The following AP4M1 variants were observed in gnomAD, a reference collection of about 807,000 sequenced individuals.
The protein encoded by AP4M1 is adaptor related protein complex 4 subunit mu 1, also known as AP-4 complex subunit mu-1.
Under a neutral mutation model 62.4 loss-of-function variants are expected in AP4M1, and 58 were observed. The observed-to-expected ratio is 0.93, with a 90% confidence interval of 0.75 to 1.16. The LOEUF (loss-of-function observed/expected upper bound fraction) is 1.16, where lower values mean the gene tolerates loss of function less well. Ranked by LOEUF, AP4M1 falls within the 50% of genes most tolerant of loss-of-function variation. AP4M1 has a pLI of 0.00. For synonymous variants in AP4M1, 290 were observed against 239.7 expected, an observed-to-expected ratio of 1.21 and a Z score of -1.94; for missense variants, 626 against 585.4, an observed-to-expected ratio of 1.07 and a Z score of -0.72.
At chr7:100,106,358 C>T in intron 13 of AP4M1, 45 bp from the exon 14 acceptor site, 19 of 1,612,578 alleles carry the variant, frequency 1.2e-5, no homozygotes, top group Non-Finnish European at 1.6e-5. Flanking sequence ...ACGGGTCTGC[C>T]TCAAGAAGGT....
chr7:100,106,316 G>A (rs779565001), intron 13 of AP4M1, 25 bp downstream of exon 13: 4 of 1,613,732 alleles, frequency 2.5e-6, no homozygotes, highest in Non-Finnish European at 3.4e-6. Context: ...CCACCACGGG[G>A]AGATTCCTGG....
rs774391984 is a variant in AP4M1 at position 100,105,508 on chromosome 7, C to T, written c.898C>T (p.Pro300Ser). Residue 300 changes from proline (P) to serine (S), a missense_variant, in exon 11 of 15, where the codon CCC (proline) becomes TCC (serine). Pro to Ser is a moderately conservative substitution (Grantham distance 74). Coordinates refer to ENST00000359593, the MANE Select transcript of AP4M1 (RefSeq NM_004722.4). ...LPSPLPFRLF[P>S]SVQWDRGSGR... ...CTCACCGCTCCCCTTCCGGCTCTTC[C>T]CCTCTGTGCAGTGGGACCGAGGCTC... 3.1e-6 allele frequency: 5 copies of T among 1,613,784 alleles called. No individual in the cohort carries two copies. The highest frequency in any genetic ancestry group is 4.2e-6 in the Non-Finnish European group (5 of 1,180,032).
At chr7:100,101,178 G>A (rs1796002447), upstream of AP4M1, 1 of 1,551,922 alleles carries the variant, frequency 6.4e-7, no homozygotes, top group Non-Finnish European at 8.8e-7. Context: ...GCCGACCCCG[G>A]TCCCCCAAGA....
At chr7:100,104,198 T>C (rs752319413) in intron 7 of AP4M1, 44 bp downstream of exon 7, 1 of 1,562,556 alleles carries the variant, frequency 6.4e-7, no homozygotes, top group Non-Finnish European at 8.8e-7. Flanking sequence ...CAGATGGGAC[T>C]TGGGAAACAT....
upstream of AP4M1, chr7:100,101,079 C>T (rs1795994142): frequency 2.7e-6 from 2 of 750,686 alleles, no homozygotes; most frequent in Admixed American, 2.8e-5. Context: ...TCTTCAACAT[C>T]GATGGCCCCC....
At chr7:100,101,586 G>T, upstream of AP4M1, 1 of 1,043,400 alleles carries the variant, frequency 9.6e-7, no homozygotes. Context: ...GTTTCCCGCG[G>T]TCCGAGCTGG....
chr7:100,102,976 C>T lies in AP4M1; in HGVS notation c.351+16C>T. 1 of 1,608,416 alleles carries T rather than the reference C, an allele frequency of 6.2e-7. No individual in the cohort carries two copies. The highest frequency in any genetic ancestry group is 8.5e-7 in the Non-Finnish European group (1 of 1,175,042). On this transcript the variant is annotated intron_variant, in intron 4 of 14. Coordinates refer to ENST00000359593, the MANE Select transcript of AP4M1 (RefSeq NM_004722.4). ...TGAAGTGCTGGTGAGAATCAACAAT[C>T]CCCTTCTGTGGCCCCTACCCAATTC...
chr7:100,101,676 C>G lies in AP4M1; in HGVS notation c.-39C>G. ...CCGGGGCCGCAGGGCGGGGCAGGCC[C>G]GACTTTCGCCGTCTTCTTGTCTACT... On this transcript the variant is annotated 5_prime_UTR_variant, in exon 1 of 15. Transcript: ENST00000359593. 1 of 1,593,196 alleles carries G rather than the reference C, an allele frequency of 6.3e-7. No homozygotes were observed. Among genetic ancestry groups the G allele is most frequent in the Non-Finnish European group, 8.6e-7 (1 of 1,161,664 alleles).
chr7:100,105,134 G>A, intron 9 of AP4M1, 36 bp downstream of exon 9: 5 of 1,613,650 alleles, frequency 3.1e-6, no homozygotes, highest in Non-Finnish European at 4.2e-6. Flanking sequence ...CCTTGGAGTA[G>A]GTCATTGCCA....
chr7:100,103,332 C>A, intron 4 of AP4M1, 77 bp from the exon 5 acceptor site: 2 of 1,275,482 alleles, frequency 1.6e-6, no homozygotes, highest in South Asian at 1.2e-5. Context: ...AGGAGTGAGT[C>A]ACCATGCCTG....
rs1796786630 is a variant in AP4M1, at chr7:100,108,346, C to T, written c.*1464C>T. 6.3e-7 allele frequency: 1 copy of T among 1,585,764 alleles called. No individual in the cohort carries two copies. Among genetic ancestry groups the T allele is most frequent in the Non-Finnish European group, 8.6e-7 (1 of 1,163,142 alleles). Reference sequence around the variant, plus strand: ...TTCTCCTCTGCTTCCTCCTATTCCTCCTCCCCACCCGGCCACGGACCTGCG... The same window carrying T: ...TTCTCCTCTGCTTCCTCCTATTCCTTCTCCCCACCCGGCCACGGACCTGCG... On this transcript the variant is annotated 3_prime_UTR_variant, in exon 15 of 15. Coordinates refer to ENST00000359593, the MANE Select transcript of AP4M1 (RefSeq NM_004722.4).
At chr7:100,103,903 A>AAG (rs1412556052) in intron 6 of AP4M1, among the ~76,000 whole-genome samples, 189 bp from the exon 7 acceptor site, 18 of 151,086 alleles carry the variant, frequency 1.2e-4, no homozygotes, top group East Asian at 7.8e-4. Flanking sequence ...AAAAAAAAAA[A>AAG]AAAGAAAAAG....
chr7:100,101,262 A>C (rs1418448760), upstream of AP4M1: 1 of 1,613,060 alleles, frequency 6.2e-7, no homozygotes, highest in South Asian at 1.1e-5. Flanking sequence ...GTAGACCCGT[A>C]CCCTTCTCTA....
chr7:100,103,736 G>A, intron 6 of AP4M1, 44 bp downstream of exon 6: 1 of 1,596,612 alleles, frequency 6.3e-7, no homozygotes. Flanking sequence ...GTTTTGCTCT[G>A]GGATCCGGGA....
chr7:100,104,834 A>C (rs1249485581), intron 7 of AP4M1, 40 bp from the exon 8 acceptor site: 1 of 1,612,638 alleles, frequency 6.2e-7, no homozygotes, highest in South Asian at 1.1e-5. Flanking sequence ...CAAAAAAAGA[A>C]AGAAAAAAAG....
rs200722903 is a variant in AP4M1, at chr7:100,104,878, C to T, written c.611C>T (p.Ser204Phe). The T allele has an allele frequency of 2.0e-5, 33 of 1,614,024 alleles. No individual in the cohort carries two copies. Among genetic ancestry groups the T allele is most frequent in the Non-Finnish European group, 2.8e-5 (33 of 1,180,042 alleles). Reference sequence around the variant, plus strand: ...CTTGACGCCCCTGCCTCTCAGGGATCCCTGCTGAAGGTGGATGTGCAGGGA... The same window carrying T: ...CTTGACGCCCCTGCCTCTCAGGGATTCCTGCTGAAGGTGGATGTGCAGGGA... ...RLSVLIASNG[S>F]LLKVDVQGEI... Residue 204 changes from serine to phenylalanine, a missense_variant, in exon 8 of 15, where the codon TCC becomes TTC. Transcript: ENST00000359593.
chr7:100,104,285 A>G (rs1796293626), intron 7 of AP4M1, 131 bp downstream of exon 7: 3 of 800,718 alleles, frequency 3.7e-6, no homozygotes, highest in Non-Finnish European at 6.4e-6. Flanking sequence ...TGGGAGGCCG[A>G]GGTGGGAGAA....
rs1584514057 is a variant in AP4M1, at chr7:100,105,063, C to CG, written c.694dup (p.Glu232GlyfsTer21). On this transcript the variant is annotated frameshift_variant, in exon 9 of 15. Coordinates refer to ENST00000359593, the MANE Select transcript of AP4M1 (RefSeq NM_004722.4). LOFTEE classifies it high-confidence loss of function. The stretch of plus-strand genomic sequence containing the variant: ...CCGACAGAGATGCGCATTGGCTTGA[C>CG]GGAAGAGTTTTGTGTGGGGAAGTCA... 1.2e-6 allele frequency: 2 copies of CG among 1,614,124 alleles called. No homozygotes were observed. Among genetic ancestry groups the CG allele is most frequent in the Non-Finnish European group, 1.7e-6 (2 of 1,180,018 alleles).
At position 100,107,349 on chromosome 7, in the gene AP4M1, C is replaced by G; in HGVS notation, c.*467C>G. On this transcript the variant is annotated 3_prime_UTR_variant, in exon 15 of 15. Transcript: ENST00000359593. ...GTCCCCAGCCTCCTGCTTCCCCCCA[C>G]AAAGGGCACTGCCGCTGAGTGGGGA... is the stretch of plus-strand genomic sequence containing the variant. The G allele has an allele frequency of 6.4e-7, 1 of 1,554,572 alleles. No homozygotes were observed. The highest frequency in any genetic ancestry group is 8.7e-7 in the Non-Finnish European group (1 of 1,148,858).
Sources: allele counts gnomAD v4.1 joint callset (sites outside exome capture counted in the v4.1 genomes callset), GRCh38; gene constraint gnomAD v4.1.1; transcripts MANE v1.5; gene names NCBI Gene and HGNC (gene_info 2026-07-23, HGNC 2026-07-21).